UBAC2: variants seen among roughly 807,000 people sequenced by gnomAD.
UBAC2 encodes the protein ubiquitin-associated domain-containing protein 2.
UBAC2 carries 26 observed loss-of-function variants against 44.0 expected under a neutral mutation model. That is an observed-to-expected ratio of 0.59 (90% confidence interval 0.43 to 0.82). The LOEUF (loss-of-function observed/expected upper bound fraction) is 0.82, where lower values mean the gene tolerates loss of function less well. Ranked by LOEUF, UBAC2 falls within the 40% of genes least tolerant of loss-of-function variation. The pLI is 0.00. For synonymous variants in UBAC2, 155 were observed against 154.3 expected, an observed-to-expected ratio of 1.00 and a Z score of -0.04; for missense variants, 329 against 419.4, an observed-to-expected ratio of 0.78 and a Z score of 1.88.
chr13:99,364,662 A>G (rs1437830132), intron 7 of UBAC2, among the ~76,000 whole-genome samples: 4 of 152,166 alleles, frequency 2.6e-5, no homozygotes, highest in African/African-American at 9.7e-5. Context: ...CAATTACATT[A>G]AAGTATGATA....
At chr13:99,212,829 C>G (rs942109362) in intron 1 of UBAC2, among the ~76,000 whole-genome samples, 9 of 152,180 alleles carry the variant, frequency 5.9e-5, no homozygotes, top group African/African-American at 1.9e-4. Flanking sequence ...TTTTCATTTA[C>G]TCTTCTTGAA....
chr13:99,223,514 T>A (rs180801088), intron 1 of UBAC2, among the ~76,000 whole-genome samples: 1 of 150,534 alleles, frequency 6.6e-6, no homozygotes, highest in Admixed American at 6.6e-5. Context: ...TTGCTTAGGT[T>A]TTAATTTGCT....
At chr13:99,264,372 T>C (rs944732911) in intron 4 of UBAC2, among the ~76,000 whole-genome samples, 6 of 152,114 alleles carry the variant, frequency 3.9e-5, no homozygotes, top group Admixed American at 6.5e-5. Context: ...AAGAAGCAAA[T>C]GGATTTTCTG....
In UBAC2 at chr13:99,201,597, T is replaced by G. The variant is rs376073973; in HGVS notation, c.31+658T>G. The G allele has an allele frequency of 9.9e-6, 16 of 1,611,990 alleles. No individual in the cohort carries two copies. In the African/African-American group the frequency reaches 1.9e-4, roughly 19 times the overall value. On this transcript the variant is annotated intron_variant, in intron 1 of 8. Coordinates refer to ENST00000403766, the MANE Select transcript of UBAC2 (RefSeq NM_001144072.2). Reference sequence around the variant, plus strand: ...GGGGCGGAGTATTTTTACAGCCAGTTAAACGGCTTTTCTCACTGAGTGTGT... The same window carrying G: ...GGGGCGGAGTATTTTTACAGCCAGTGAAACGGCTTTTCTCACTGAGTGTGT...
At chr13:99,232,157 G>T (rs1333540135) in intron 1 of UBAC2, among the ~76,000 whole-genome samples, 1 of 152,044 alleles carries the variant, frequency 6.6e-6, no homozygotes, top group Non-Finnish European at 1.5e-5. Context: ...TATGGGAGTG[G>T]GTTTGGGGGT....
At chr13:99,316,687 C>A (rs983430799) in intron 5 of UBAC2, among the ~76,000 whole-genome samples, 1 of 152,198 alleles carries the variant, frequency 6.6e-6, no homozygotes, top group South Asian at 2.1e-4. Context: ...ACCACACAGG[C>A]AATGAGAGGC....
intron 1 of UBAC2, among the ~76,000 whole-genome samples, chr13:99,224,182 A>T (rs2043085079): frequency 6.6e-6 from 1 of 152,200 alleles, no homozygotes; most frequent in Non-Finnish European, 1.5e-5. Flanking sequence ...GGGGCCTTGC[A>T]GGAGCCTGCT....
At chr13:99,332,706 T>G (rs572736187) in intron 6 of UBAC2, among the ~76,000 whole-genome samples, 59 of 152,316 alleles carry the variant, frequency 3.9e-4, no homozygotes, top group African/African-American at 1.3e-3. Context: ...TGTTCCTTTT[T>G]GCTTTATCTG....
At chr13:99,259,229 A>G (rs1217046211) in intron 4 of UBAC2, among the ~76,000 whole-genome samples, 1 of 152,154 alleles carries the variant, frequency 6.6e-6, no homozygotes, top group Non-Finnish European at 1.5e-5. Context: ...TCATTTGCTT[A>G]TCCTAAAATT....
Position 99,254,962 on chromosome 13 carries a change from C to T in UBAC2, c.389+10338C>T, listed in dbSNP as rs755286750. 6.8e-6 allele frequency: 11 copies of T among 1,613,824 alleles called. No individual in the cohort carries two copies. In the East Asian group the frequency reaches 1.8e-4, roughly 26 times the overall value. On this transcript the variant is annotated intron_variant, in intron 4 of 8. Coordinates refer to ENST00000403766, the MANE Select transcript of UBAC2 (RefSeq NM_001144072.2). Reference sequence around the variant, plus strand: ...TCTGCGCATGCTTCGAAGGTAATTACGGTATAGCATGACACTAATGACTCG... The same window carrying T: ...TCTGCGCATGCTTCGAAGGTAATTATGGTATAGCATGACACTAATGACTCG...
At chr13:99,316,482 C>G (rs931867566) in intron 5 of UBAC2, among the ~76,000 whole-genome samples, 8 of 152,204 alleles carry the variant, frequency 5.3e-5, no homozygotes, top group African/African-American at 1.7e-4. Context: ...ATGCTTAAGG[C>G]TCATTTAAGT....
At chr13:99,300,019 T>G (rs1034195496) in intron 4 of UBAC2, among the ~76,000 whole-genome samples, 1 of 152,196 alleles carries the variant, frequency 6.6e-6, no homozygotes, top group African/African-American at 2.4e-5. Context: ...TGAGGGCTTG[T>G]GGTTTCAAAG....
At chr13:99,367,664 C>A in intron 7 of UBAC2, 123 bp from the exon 8 acceptor site, 1 of 1,329,128 alleles carries the variant, frequency 7.5e-7, no homozygotes, top group Non-Finnish European at 1.1e-6. Context: ...TTGCATAGAG[C>A]GGATCAATAT....
At chr13:99,255,260 C>G in intron 4 of UBAC2, 3 of 1,614,068 alleles carry the variant, frequency 1.9e-6, no homozygotes, top group Non-Finnish European at 2.5e-6. Context: ...AAGTAGCACC[C>G]AATCATGATG....
At chr13:99,329,205 G>T (rs1221236416) in intron 6 of UBAC2, among the ~76,000 whole-genome samples, 7 of 152,168 alleles carry the variant, frequency 4.6e-5, no homozygotes, top group Non-Finnish European at 8.8e-5. Context: ...TTTATGGTAA[G>T]TCTTGCAATC....
At chr13:99,240,707 C>G (rs1212942583) in intron 2 of UBAC2, among the ~76,000 whole-genome samples, 1 of 152,136 alleles carries the variant, frequency 6.6e-6, no homozygotes, top group Non-Finnish European at 1.5e-5. Context: ...GGTACTGTTT[C>G]TCCTTGAGCC....
At chr13:99,254,401 T>C (rs2043503094) in intron 4 of UBAC2, among the ~76,000 whole-genome samples, 1 of 152,194 alleles carries the variant, frequency 6.6e-6, no homozygotes, top group Admixed American at 6.5e-5. Flanking sequence ...CCTTGGGTTC[T>C]TGTTGCTATT....
chr13:99,374,409 G>A (rs554878761), intron 8 of UBAC2, among the ~76,000 whole-genome samples: 3 of 152,268 alleles, frequency 2.0e-5, no homozygotes, highest in Admixed American at 2.0e-4. Context: ...GTTTGTTGGA[G>A]CCCAAAACAA....
At chr13:99,305,112 G>T (rs914644785) in intron 4 of UBAC2, among the ~76,000 whole-genome samples, 3 of 152,176 alleles carry the variant, frequency 2.0e-5, no homozygotes, top group African/African-American at 7.2e-5. Flanking sequence ...AATTTAGACT[G>T]AAATTTCGAT....
Sources: gnomAD v4.1 joint callset for allele counts (sites outside exome capture counted in the v4.1 genomes callset) on GRCh38, gnomAD v4.1.1 for gene constraint, MANE v1.5 for transcripts, NCBI Gene and HGNC (gene_info 2026-07-23, HGNC 2026-07-21) for gene names.